The following ZSWIM5 variants were observed in gnomAD, a reference collection of about 807,000 sequenced individuals.
ZSWIM5 encodes the protein zinc finger SWIM-type containing 5.
Under a neutral mutation model 119.6 loss-of-function variants are expected in ZSWIM5, and 55 were observed. The ratio of observed to expected loss-of-function variants is 0.46; its 90% CI spans 0.37 to 0.58. The LOEUF (loss-of-function observed/expected upper bound fraction) is 0.58, where lower values mean the gene tolerates loss of function less well. Among genes scored for constraint, ZSWIM5 ranks in the 20% least tolerant of loss-of-function variants. ZSWIM5 has a pLI of 0.00. For synonymous variants in ZSWIM5, 537 were observed against 606.9 expected (o/e 0.88, Z 1.69); for missense variants, 1,193 against 1,512.8 (o/e 0.79, Z 3.51).
At chr1:45,118,361 G>C (rs1392526363) in intron 1 of ZSWIM5, among the ~76,000 whole-genome samples, 1 of 152,168 alleles carries the variant, frequency 6.6e-6, no homozygotes, top group Non-Finnish European at 1.5e-5. Flanking sequence ...GATGCAGAGA[G>C]CCACAAAAGT....
intron 2 of ZSWIM5, among the ~76,000 whole-genome samples, chr1:45,067,535 C>T (rs1446278310): frequency 6.6e-6 from 1 of 151,902 alleles, no homozygotes; most frequent in Non-Finnish European, 1.5e-5. Flanking sequence ...CTGAGATTGC[C>T]TACAGAGATC....
intron 10 of ZSWIM5, 97 bp from the exon 11 acceptor site, chr1:45,034,566 G>C (rs1644971741): frequency 1.4e-6 from 2 of 1,411,574 alleles, no homozygotes. Flanking sequence ...GAACTGGGGA[G>C]AGGAAAGGAT....
At chr1:45,139,402 C>T (rs1367842028) in intron 1 of ZSWIM5, among the ~76,000 whole-genome samples, 2 of 142,768 alleles carry the variant, frequency 1.4e-5, no homozygotes, top group Admixed American at 7.0e-5. Flanking sequence ...CTCCCTCCCT[C>T]TCTCTCTCTC....
chr1:45,129,488 T>C (rs1645642063), intron 1 of ZSWIM5, among the ~76,000 whole-genome samples: 1 of 152,096 alleles, frequency 6.6e-6, no homozygotes, highest in African/African-American at 2.4e-5. Flanking sequence ...GAGTTATGTA[T>C]ATGTTTCTCT....
intron 1 of ZSWIM5, among the ~76,000 whole-genome samples, chr1:45,192,277 C>T (rs532834423): frequency 5.3e-5 from 8 of 152,276 alleles, no homozygotes; most frequent in African/African-American, 1.9e-4. Flanking sequence ...AGAACAGTAA[C>T]TCTTCATTTC....
intron 1 of ZSWIM5, among the ~76,000 whole-genome samples, chr1:45,191,208 C>CA (rs1258653052): frequency 6.6e-6 from 1 of 152,046 alleles, no homozygotes; most frequent in African/African-American, 2.4e-5. Context: ...GCTGGGATTA[C>CA]AGGCGTGAGC....
chr1:45,169,438 TAACTTAATCAAGACC>T (rs1449682506), intron 1 of ZSWIM5, among the ~76,000 whole-genome samples: 12 of 152,052 alleles, frequency 7.9e-5, no homozygotes, highest in African/African-American at 1.9e-4. Flanking sequence ...AAAAGATATG[TAACTTAATCAAGACC>T]AACTTAATCA....
chr1:45,117,868 G>A (rs1261225943), intron 1 of ZSWIM5, among the ~76,000 whole-genome samples: 1 of 152,180 alleles, frequency 6.6e-6, no homozygotes, highest in Non-Finnish European at 1.5e-5. Flanking sequence ...ATATCAGTTT[G>A]TATGAAAAAG....
chr1:45,185,163 T>G (rs1298410075), intron 1 of ZSWIM5, among the ~76,000 whole-genome samples: 1 of 151,754 alleles, frequency 6.6e-6, no homozygotes, highest in African/African-American at 2.4e-5. Context: ...GATTCCCTAT[T>G]TAATAAACGA....
intron 4 of ZSWIM5, among the ~76,000 whole-genome samples, chr1:45,055,279 T>C (rs943262714): frequency 1.9e-4 from 29 of 152,130 alleles, no homozygotes; most frequent in Non-Finnish European, 2.5e-4. Flanking sequence ...TGTGAGCCAC[T>C]GTGCCCGGCC....
chr1:45,183,395 A>G (rs1304106318), intron 1 of ZSWIM5, among the ~76,000 whole-genome samples: 1 of 152,144 alleles, frequency 6.6e-6, no homozygotes, highest in Non-Finnish European at 1.5e-5. Context: ...AAATAACTAA[A>G]ATCAGAGCAG....
At position 45,070,880 on chromosome 1, in the gene ZSWIM5, G is replaced by A. The variant is rs185583948; in HGVS notation, c.953-10633C>T. Among the ~76,000 whole-genome samples the A allele has an allele frequency of 2.2e-4, 34 of 152,196 alleles. No homozygotes were observed. In the East Asian group the frequency reaches 5.6e-3, roughly 25 times the overall value. The stretch of plus-strand genomic sequence containing the variant: ...GAACATTGATTATTTTACAGGTATC[G>A]TGCTTGGTGAGGGACACTCAGAAAT... On this transcript the variant is annotated intron_variant, in intron 2 of 13. Transcript: ENST00000359600.
chr1:45,020,950 T>C (rs1219618957), intron 11 of ZSWIM5, among the ~76,000 whole-genome samples, 162 bp from the exon 12 acceptor site: 1 of 152,214 alleles, frequency 6.6e-6, no homozygotes, highest in Non-Finnish European at 1.5e-5. Context: ...TAATCACATT[T>C]GAGGCTCCTT....
At chr1:45,092,592 C>T (rs917928844) in intron 1 of ZSWIM5, among the ~76,000 whole-genome samples, 7 of 148,894 alleles carry the variant, frequency 4.7e-5, no homozygotes, top group East Asian at 4.0e-4. Context: ...CGTGAGCCCC[C>T]GCACCTGGCC....
At chr1:45,048,075 C>T (rs373739659) in intron 5 of ZSWIM5, among the ~76,000 whole-genome samples, 8 of 17,352 alleles carry the variant, frequency 4.6e-4, no homozygotes, top group African/African-American at 1.1e-3. Context: ...CTTTCCTTTT[C>T]TTTTCTCTTT....
chr1:45,046,675 T>A (rs1003492767), intron 5 of ZSWIM5, among the ~76,000 whole-genome samples: 1 of 150,290 alleles, frequency 6.7e-6, no homozygotes, highest in Non-Finnish European at 1.5e-5. Flanking sequence ...TACACATATA[T>A]GAGCTGTTAG....
chr1:45,178,508 A>T (rs531757453), intron 1 of ZSWIM5, among the ~76,000 whole-genome samples: 6 of 152,170 alleles, frequency 3.9e-5, no homozygotes, highest in Non-Finnish European at 8.8e-5. Context: ...AAGTTTGCAG[A>T]TATGCCTATA....
At chr1:45,105,857 C>A (rs1369670513) in intron 1 of ZSWIM5, among the ~76,000 whole-genome samples, 11 of 144,330 alleles carry the variant, frequency 7.6e-5, no homozygotes, top group Non-Finnish European at 1.5e-5. Context: ...AGCACCTCTG[C>A]CTGGCCGCCC....
At chr1:45,133,484 G>T (rs1645671357) in intron 1 of ZSWIM5, among the ~76,000 whole-genome samples, 1 of 151,830 alleles carries the variant, frequency 6.6e-6, no homozygotes, top group African/African-American at 2.4e-5. Context: ...AAATTTGTTT[G>T]AGTTCTTTGT....
Sources: gnomAD v4.1 joint callset for allele counts (sites outside exome capture counted in the v4.1 genomes callset) on GRCh38, gnomAD v4.1.1 for gene constraint, MANE v1.5 for transcripts, NCBI Gene and HGNC (gene_info 2026-07-23, HGNC 2026-07-21) for gene names.